The following GALNT13 variants were observed in gnomAD, a reference collection of about 807,000 sequenced individuals.
GALNT13 encodes the protein polypeptide N-acetylgalactosaminyltransferase 13.
A neutral mutation model predicts 64.2 loss-of-function variants in GALNT13; 28 were observed. The ratio of observed to expected loss-of-function variants is 0.44; its 90% CI spans 0.32 to 0.60. GALNT13 has a LOEUF of 0.60. GALNT13 is among the 20% of genes least tolerant of loss of function. The probability of loss-of-function intolerance (pLI) is 0.05; values close to 1 mark genes in which losing one functional copy is unlikely to be tolerated. For synonymous variants in GALNT13, 214 were observed against 224.6 expected, an observed-to-expected ratio of 0.95 and a Z score of 0.42; for missense variants, 577 against 669.8, an observed-to-expected ratio of 0.86 and a Z score of 1.53.
At chr2:153,503,339 C>T in the GALNT13 span, among the ~76,000 whole-genome samples, 3 of 152,176 alleles carry the variant, frequency 2.0e-5, no homozygotes, top group African/African-American at 7.2e-5. Flanking sequence ...ATAGGGTGCC[C>T]TTTCCCCACT....
intron 8 of GALNT13, among the ~76,000 whole-genome samples, chr2:154,260,619 C>G (rs1409483401): frequency 6.6e-6 from 1 of 152,084 alleles, no homozygotes. Context: ...ATCTTCTTGC[C>G]TTCAGGTCCA....
At chr2:154,431,853 CA>C (rs1559151230) in intron 11 of GALNT13, among the ~76,000 whole-genome samples, 1 of 152,202 alleles carries the variant, frequency 6.6e-6, no homozygotes, top group Non-Finnish European at 1.5e-5. Context: ...TGCCTGCCAC[CA>C]TGTGGGATGT....
chr2:153,372,658 G>C, the GALNT13 span, among the ~76,000 whole-genome samples: 79 of 146,784 alleles, frequency 5.4e-4, no homozygotes, highest in Non-Finnish European at 8.6e-4. Flanking sequence ...AAAAAAAAAA[G>C]AAAGAAGGAA....
At chr2:154,095,173 T>C (rs1296965074) in intron 3 of GALNT13, among the ~76,000 whole-genome samples, 1 of 151,902 alleles carries the variant, frequency 6.6e-6, no homozygotes, top group East Asian at 1.9e-4. Context: ...ATTGTTCATA[T>C]ACAGCCGGTT....
intron 9 of GALNT13, among the ~76,000 whole-genome samples, chr2:154,387,311 A>C (rs982106419): frequency 6.6e-6 from 1 of 151,130 alleles, no homozygotes; most frequent in East Asian, 1.9e-4. Context: ...CATATTTTTA[A>C]TTGACAAGTT....
the GALNT13 span, among the ~76,000 whole-genome samples, chr2:153,307,598 T>C: frequency 6.6e-6 from 1 of 152,100 alleles, no homozygotes; most frequent in South Asian, 2.1e-4. Flanking sequence ...AAGTAATATT[T>C]ATTAGCATAT....
the GALNT13 span, among the ~76,000 whole-genome samples, chr2:153,476,454 C>A: frequency 6.6e-6 from 1 of 152,178 alleles, no homozygotes; most frequent in Admixed American, 6.5e-5. Flanking sequence ...AAATAAACTG[C>A]TCAAAACCTT....
the GALNT13 span, among the ~76,000 whole-genome samples, chr2:153,624,472 C>T: frequency 2.0e-5 from 3 of 152,070 alleles, no homozygotes; most frequent in Non-Finnish European, 2.9e-5. Context: ...AAGGAGATCA[C>T]TTAATACACC....
At chr2:154,432,598 C>A (rs62171060) in intron 11 of GALNT13, among the ~76,000 whole-genome samples, 2,670 of 152,286 alleles carry the variant, frequency 0.018, 39 homozygotes, top group Non-Finnish European at 0.03. Context: ...CATACTCCCT[C>A]TGAAACCTAA....
At chr2:154,266,833 T>C (rs1230401469) in intron 8 of GALNT13, among the ~76,000 whole-genome samples, 1 of 151,910 alleles carries the variant, frequency 6.6e-6, no homozygotes, top group Non-Finnish European at 1.5e-5. Flanking sequence ...ATAAAACTTA[T>C]TTTGTTAGGT....
At chr2:154,194,378 A>T (rs957729249) in intron 4 of GALNT13, among the ~76,000 whole-genome samples, 1 of 152,190 alleles carries the variant, frequency 6.6e-6, no homozygotes. Flanking sequence ...TGCCATTTAC[A>T]TGCCATTTTT....
chr2:153,132,722 CTGAGT>C, the GALNT13 span, among the ~76,000 whole-genome samples: 9 of 152,034 alleles, frequency 5.9e-5, no homozygotes, highest in Non-Finnish European at 1.0e-4. Context: ...AATTATTAAA[CTGAGT>C]TAATTTTTTT....
At chr2:153,096,149 A>G in the GALNT13 span, among the ~76,000 whole-genome samples, 1 of 152,176 alleles carries the variant, frequency 6.6e-6, no homozygotes, top group Non-Finnish European at 1.5e-5. Flanking sequence ...CATATTGTTT[A>G]ATTTCCATGT....
chr2:153,617,664 C>T, the GALNT13 span, among the ~76,000 whole-genome samples: 1 of 151,724 alleles, frequency 6.6e-6, no homozygotes, highest in Non-Finnish European at 1.5e-5. Context: ...TAGAATTCAG[C>T]AATAAAACCA....
chr2:153,675,388 T>C, the GALNT13 span, among the ~76,000 whole-genome samples: 2 of 152,104 alleles, frequency 1.3e-5, no homozygotes, highest in Non-Finnish European at 2.9e-5. Context: ...AGTTTATGTC[T>C]TTGCAGGGAC....
the GALNT13 span, among the ~76,000 whole-genome samples, chr2:153,610,231 A>C: frequency 6.6e-6 from 1 of 152,214 alleles, no homozygotes; most frequent in African/African-American, 2.4e-5. Context: ...AAACTATCAT[A>C]TTGCACATAT....
intron 1 of GALNT13, among the ~76,000 whole-genome samples, chr2:153,900,274 T>G (rs1367155452): frequency 6.6e-6 from 1 of 152,192 alleles, no homozygotes; most frequent in Non-Finnish European, 1.5e-5. Flanking sequence ...CAATATGCTC[T>G]TTCAAAACCC....
chr2:153,524,075 T>G, the GALNT13 span, among the ~76,000 whole-genome samples: 2 of 152,234 alleles, frequency 1.3e-5, no homozygotes, highest in Non-Finnish European at 2.9e-5. Context: ...TTTGTTTGTT[T>G]GTTTTCTAAC....
chr2:154,353,422 G>A (rs886067774), intron 9 of GALNT13, among the ~76,000 whole-genome samples: 1 of 152,094 alleles, frequency 6.6e-6, no homozygotes, highest in Non-Finnish European at 1.5e-5. Context: ...ACGTGTGTGT[G>A]GTGTGACAGG....
Sources: allele counts gnomAD v4.1 joint callset (sites outside exome capture counted in the v4.1 genomes callset), GRCh38; gene constraint gnomAD v4.1.1; transcripts MANE v1.5; gene names NCBI Gene and HGNC (gene_info 2026-07-23, HGNC 2026-07-21).